Variants in CDK14 observed in about 807,000 individuals in gnomAD.
The protein encoded by CDK14 is cyclin dependent kinase 14, also known as cyclin-dependent kinase 14.
CDK14 carries 34 observed loss-of-function variants against 60.7 expected under a neutral mutation model. The ratio of observed to expected loss-of-function variants is 0.56; its 90% CI spans 0.43 to 0.75. The LOEUF is 0.75. Among genes scored for constraint, CDK14 ranks in the 30% least tolerant of loss-of-function variants. The probability of loss-of-function intolerance (pLI) is 0.00; values close to 1 mark genes in which losing one functional copy is unlikely to be tolerated. For missense variants in CDK14, 482 were observed against 564.1 expected (o/e 0.85, Z 1.47); for synonymous variants, 197 against 203.7 (o/e 0.97, Z 0.28).
intron 2 of CDK14, among the ~76,000 whole-genome samples, chr7:90,679,762 A>G (rs917751777): frequency 6.6e-5 from 10 of 152,260 alleles, no homozygotes; most frequent in Non-Finnish European, 1.2e-4. Context: ...TTTTGCTGGC[A>G]TAGTACAGCT....
intron 10 of CDK14, among the ~76,000 whole-genome samples, chr7:91,003,816 G>T (rs1327778582): frequency 3.3e-5 from 5 of 152,172 alleles, no homozygotes; most frequent in Non-Finnish European, 7.3e-5. Flanking sequence ...AAAATTGATT[G>T]TTTATTGGAG....
intron 8 of CDK14, among the ~76,000 whole-genome samples, chr7:90,936,514 C>CT (rs1033006669): frequency 6.6e-6 from 1 of 152,080 alleles, no homozygotes; most frequent in Non-Finnish European, 1.5e-5. Flanking sequence ...TCTCCTATAG[C>CT]TTTTTATCTC....
At position 91,208,308 on chromosome 7, in the gene CDK14, A is replaced by G. The variant is rs1299533624; in HGVS notation, c.*1172A>G. On this transcript the variant is annotated 3_prime_UTR_variant, in exon 15 of 15. Transcript: ENST00000380050. ...GGAATGGGCCAGCTTCCCTTACTCA[A>G]GGAGTTGAGGGACCTTGGAGGATGA... The G allele has an allele frequency of 6.5e-6, 1 of 152,690 alleles. No homozygotes were observed. The highest frequency in any genetic ancestry group is 1.5e-5 in the Non-Finnish European group (1 of 68,058). The allele number at this position is 152,690 out of a possible 1,614,324, so 9.5% of individuals were successfully genotyped here.
At chr7:91,022,704 T>C (rs1796462546) in intron 10 of CDK14, among the ~76,000 whole-genome samples, 1 of 152,262 alleles carries the variant, frequency 6.6e-6, no homozygotes, top group South Asian at 2.1e-4. Context: ...ATACTTATAA[T>C]ACATGCAGCT....
chr7:90,863,381 T>C, intron 6 of CDK14, 112 bp downstream of exon 6: 1 of 555,314 alleles, frequency 1.8e-6, no homozygotes, highest in South Asian at 2.6e-5. Flanking sequence ...ATATTTTATC[T>C]GAATACATGA....
intron 3 of CDK14, among the ~76,000 whole-genome samples, chr7:90,729,077 T>C (rs991856814): frequency 1.3e-5 from 2 of 151,722 alleles, no homozygotes; most frequent in Non-Finnish European, 2.9e-5. Context: ...CAATCTGATA[T>C]CCACTCTGCC....
At chr7:91,173,682 A>T (rs1274875832) in intron 14 of CDK14, among the ~76,000 whole-genome samples, 1 of 152,188 alleles carries the variant, frequency 6.6e-6, no homozygotes, top group African/African-American at 2.4e-5. Flanking sequence ...TCTGAGTCAA[A>T]GAAAGGGGTG....
intron 2 of CDK14, among the ~76,000 whole-genome samples, chr7:90,642,048 G>C (rs1011208807): frequency 1.3e-5 from 2 of 152,136 alleles, no homozygotes; most frequent in Admixed American, 1.3e-4. Context: ...TCTCCCACTG[G>C]CTCCCTCCCA....
At chr7:90,832,862 A>G (rs774000921) in intron 5 of CDK14, among the ~76,000 whole-genome samples, 6 of 152,218 alleles carry the variant, frequency 3.9e-5, no homozygotes, top group Non-Finnish European at 7.3e-5. Flanking sequence ...GTGGGTTACA[A>G]TGCCTTGAGT....
At chr7:90,943,490 A>G (rs1013338503) in intron 8 of CDK14, among the ~76,000 whole-genome samples, 2 of 152,220 alleles carry the variant, frequency 1.3e-5, no homozygotes, top group African/African-American at 4.8e-5. Context: ...ATATCATATT[A>G]GATAAAATTT....
At chr7:90,607,052 C>G (rs1384803052) in intron 2 of CDK14, among the ~76,000 whole-genome samples, 1 of 152,120 alleles carries the variant, frequency 6.6e-6, no homozygotes, top group African/African-American at 2.4e-5. Flanking sequence ...GAGGGAGGCA[C>G]ATCTTACACA....
chr7:90,807,337 G>A (rs1268547848), intron 5 of CDK14, among the ~76,000 whole-genome samples: 1 of 152,198 alleles, frequency 6.6e-6, no homozygotes, highest in East Asian at 1.9e-4. Context: ...AGCCTCTGCT[G>A]CTGATACCCA....
chr7:91,106,591 CAAT>C (rs1423298394), intron 12 of CDK14, among the ~76,000 whole-genome samples: 2 of 151,764 alleles, frequency 1.3e-5, no homozygotes, highest in Non-Finnish European at 2.9e-5. Flanking sequence ...AAATATTAGA[CAAT>C]AATATGATAG....
At chr7:90,698,355 A>T (rs1801710076) in intron 2 of CDK14, among the ~76,000 whole-genome samples, 1 of 152,162 alleles carries the variant, frequency 6.6e-6, no homozygotes, top group African/African-American at 2.4e-5. Context: ...CTTGGTTGTG[A>T]CACTTTATGC....
chr7:90,640,936 A>G (rs183028540), intron 2 of CDK14, among the ~76,000 whole-genome samples: 1 of 152,292 alleles, frequency 6.6e-6, no homozygotes, highest in African/African-American at 2.4e-5. Context: ...TTGGCAAAGG[A>G]TCTGAACAGA....
At chr7:90,697,308 A>G (rs1180315089) in intron 2 of CDK14, among the ~76,000 whole-genome samples, 1 of 152,160 alleles carries the variant, frequency 6.6e-6, no homozygotes, top group East Asian at 1.9e-4. Context: ...TCGCTATAAC[A>G]TGAGAAAATT....
chr7:90,685,848 C>T (rs1189934716), intron 2 of CDK14, among the ~76,000 whole-genome samples: 1 of 151,984 alleles, frequency 6.6e-6, no homozygotes. Context: ...CATTTTCCTT[C>T]TGTTCCTTAT....
At chr7:90,635,696 T>C (rs1483380100) in intron 2 of CDK14, among the ~76,000 whole-genome samples, 1 of 152,132 alleles carries the variant, frequency 6.6e-6, no homozygotes, top group Non-Finnish European at 1.5e-5. Flanking sequence ...TTGATGGGGA[T>C]GGCATTGAAT....
intron 11 of CDK14, among the ~76,000 whole-genome samples, chr7:91,076,417 T>A (rs553485983): frequency 6.6e-6 from 1 of 152,164 alleles, no homozygotes; most frequent in East Asian, 1.9e-4. Context: ...CCCTGTTTAA[T>A]AAGTGATGCT....
Sources: allele counts gnomAD v4.1 joint callset (sites outside exome capture counted in the v4.1 genomes callset), GRCh38; gene constraint gnomAD v4.1.1; transcripts MANE v1.5; gene names NCBI Gene and HGNC (gene_info 2026-07-23, HGNC 2026-07-21).